Variants in LMBR1 observed in about 807,000 individuals in gnomAD.
LMBR1 encodes limb region 1 protein homolog.
In LMBR1, 52 loss-of-function variants were observed where a neutral mutation model predicts 73.9. That is an observed-to-expected ratio of 0.70 (90% CI 0.56 to 0.89). The LOEUF is 0.89. Ranked by LOEUF, LMBR1 falls within the 40% of genes least tolerant of loss-of-function variation. LMBR1 has a pLI of 0.00. For missense variants in LMBR1, 539 were observed against 579.8 expected (o/e 0.93, Z 0.72); for synonymous variants, 215 against 209.4 (o/e 1.03, Z -0.23).
At chr7:156,836,445 T>C (rs1361797458) in intron 2 of LMBR1, among the ~76,000 whole-genome samples, 1 of 152,210 alleles carries the variant, frequency 6.6e-6, no homozygotes, top group Non-Finnish European at 1.5e-5. Flanking sequence ...AAATATCTAC[T>C]ATATGCTCTA....
At chr7:156,673,118 G>T (rs563459768), downstream of LMBR1, among the ~76,000 whole-genome samples, 15 of 152,346 alleles carry the variant, frequency 9.8e-5, no homozygotes, top group Admixed American at 9.1e-4. Context: ...CAATTGATCA[G>T]TCATTCCAAA....
At chr7:156,671,424 A>C (rs1449328732) in intron 4 of LMBR1, among the ~76,000 whole-genome samples, 1 of 152,226 alleles carries the variant, frequency 6.6e-6, no homozygotes, top group East Asian at 1.9e-4. Flanking sequence ...GACGAAAGAG[A>C]TTCTAAAGCA....
intron 1 of LMBR1, among the ~76,000 whole-genome samples, chr7:156,888,536 A>C (rs754898754): frequency 6.6e-6 from 1 of 152,216 alleles, no homozygotes; most frequent in South Asian, 2.1e-4. Context: ...TATTCACAAT[A>C]GCCAAAAACA....
chr7:156,716,868 C>T (rs936952392), intron 15 of LMBR1, among the ~76,000 whole-genome samples: 2 of 152,088 alleles, frequency 1.3e-5, no homozygotes, highest in Admixed American at 6.6e-5. Context: ...TCTGTAATCC[C>T]AACGCTTTGG....
chr7:156,807,759 A>AC (rs1274386537), intron 4 of LMBR1, among the ~76,000 whole-genome samples: 1 of 152,188 alleles, frequency 6.6e-6, no homozygotes, highest in Non-Finnish European at 1.5e-5. Flanking sequence ...TTCGTGCTAT[A>AC]CATTGACCTT....
intron 5 of LMBR1, among the ~76,000 whole-genome samples, chr7:156,789,238 A>C (rs11762050): frequency 0.036 from 5,553 of 152,230 alleles, 164 homozygotes; most frequent in Non-Finnish European, 0.049. Context: ...AATCCCTAAA[A>C]GAAGACACAT....
At chr7:156,856,173 C>T (rs762039060) in intron 1 of LMBR1, among the ~76,000 whole-genome samples, 6 of 151,588 alleles carry the variant, frequency 4.0e-5, no homozygotes, top group Admixed American at 1.3e-4. Context: ...CCAGCCAGGG[C>T]GACAGAGCAA....
At chr7:156,866,350 A>G (rs1479526460) in intron 1 of LMBR1, among the ~76,000 whole-genome samples, 2 of 152,096 alleles carry the variant, frequency 1.3e-5, no homozygotes, top group Non-Finnish European at 2.9e-5. Flanking sequence ...TTAAAGGCAA[A>G]GAGGAGAGGT....
chr7:156,831,437 A>G (rs1319759099), intron 3 of LMBR1, among the ~76,000 whole-genome samples: 1 of 152,058 alleles, frequency 6.6e-6, no homozygotes, highest in South Asian at 2.1e-4. Context: ...AGATCACCCT[A>G]ACTCATCAGT....
intron 15 of LMBR1, among the ~76,000 whole-genome samples, chr7:156,717,052 T>A (rs2132269133): frequency 6.6e-6 from 1 of 152,130 alleles, no homozygotes; most frequent in Admixed American, 6.5e-5. Context: ...GGTGGGAGGA[T>A]CACTTGAGCC....
chr7:156,732,005 G>A (rs1364099872), intron 10 of LMBR1, among the ~76,000 whole-genome samples: 4 of 151,248 alleles, frequency 2.6e-5, no homozygotes, highest in African/African-American at 9.7e-5. Flanking sequence ...AAAACTAGAA[G>A]CAAATCTAAT....
chr7:156,766,446 G>A (rs1824099353), intron 5 of LMBR1, among the ~76,000 whole-genome samples: 2 of 152,136 alleles, frequency 1.3e-5, no homozygotes, highest in South Asian at 4.1e-4. Flanking sequence ...GCATAACCAA[G>A]TCCTTTGTCT....
At chr7:156,691,840 T>C (rs887604596) in intron 15 of LMBR1, among the ~76,000 whole-genome samples, 1 of 152,208 alleles carries the variant, frequency 6.6e-6, no homozygotes, top group Non-Finnish European at 1.5e-5. Context: ...TTAGACTATG[T>C]TTTCAAATCT....
intron 5 of LMBR1, among the ~76,000 whole-genome samples, chr7:156,790,215 T>C (rs901822935): frequency 6.6e-6 from 1 of 152,144 alleles, no homozygotes; most frequent in Admixed American, 6.5e-5. Context: ...AAAGTAATCC[T>C]ACACAAGTTC....
At chr7:156,675,659 T>A, downstream of LMBR1, 1 of 1,589,216 alleles carries the variant, frequency 6.3e-7, no homozygotes, top group Non-Finnish European at 8.6e-7. Context: ...TCCACCGAGC[T>A]CAGGTGTGAG....
chr7:156,696,631 T>C (rs1255309084), intron 15 of LMBR1, among the ~76,000 whole-genome samples: 1 of 152,122 alleles, frequency 6.6e-6, no homozygotes, highest in East Asian at 1.9e-4. Context: ...TTGAAAACCA[T>C]CAGATCTTGT....
intron 9 of LMBR1, among the ~76,000 whole-genome samples, chr7:156,743,963 A>G (rs1819373902): frequency 6.6e-6 from 1 of 152,212 alleles, no homozygotes; most frequent in Non-Finnish European, 1.5e-5. Flanking sequence ...GTTTCTTTCA[A>G]TATGGAAGTT....
intron 15 of LMBR1, among the ~76,000 whole-genome samples, chr7:156,715,047 G>T (rs1435917098): frequency 6.6e-6 from 1 of 151,728 alleles, no homozygotes; most frequent in African/African-American, 2.4e-5. Context: ...TGCTGCCTGG[G>T]TTCAAGTGAT....
intron 4 of LMBR1, among the ~76,000 whole-genome samples, chr7:156,804,015 G>C (rs1355671513): frequency 8.8e-6 from 1 of 113,534 alleles, no homozygotes; most frequent in African/African-American, 3.3e-5. Context: ...AGGGGGGAGG[G>C]ATAGCATTAG....
Sources: allele counts gnomAD v4.1 joint callset (sites outside exome capture counted in the v4.1 genomes callset), GRCh38; gene constraint gnomAD v4.1.1; transcripts MANE v1.5; gene names NCBI Gene and HGNC (gene_info 2026-07-23, HGNC 2026-07-21).